Variants in EFR3B observed in about 807,000 individuals in gnomAD.
The protein encoded by EFR3B is EFR3 homolog B.
EFR3B carries 64 observed loss-of-function variants against 104.7 expected under a neutral mutation model. That is an observed-to-expected ratio of 0.61 (90% CI 0.50 to 0.75). EFR3B has a LOEUF of 0.75. EFR3B is among the 30% of genes least tolerant of loss of function. EFR3B has a pLI of 0.00. For missense variants in EFR3B, 750 were observed against 1,078.5 expected, an observed-to-expected ratio of 0.70 and a Z score of 4.27; for synonymous variants, 385 against 417.9, an observed-to-expected ratio of 0.92 and a Z score of 0.96.
At chr2:25,090,482 G>A (rs946762858) in intron 1 of EFR3B, among the ~76,000 whole-genome samples, 5 of 152,222 alleles carry the variant, frequency 3.3e-5, no homozygotes, top group Admixed American at 6.5e-5. Context: ...GAAGGAGGAG[G>A]TCACTTCAGT....
chr2:25,051,067 A>G (rs1416564237), intron 1 of EFR3B, among the ~76,000 whole-genome samples: 1 of 152,104 alleles, frequency 6.6e-6, no homozygotes, highest in Non-Finnish European at 1.5e-5. Flanking sequence ...TGGTTTGCTC[A>G]TGGAGGCTCC....
At chr2:25,072,133 G>A (rs944300725) in intron 1 of EFR3B, among the ~76,000 whole-genome samples, 11 of 152,194 alleles carry the variant, frequency 7.2e-5, no homozygotes, top group Non-Finnish European at 1.2e-4. Context: ...TGGGGTCCCC[G>A]CTTTCGTCAC....
intron 1 of EFR3B, among the ~76,000 whole-genome samples, chr2:25,074,687 G>A (rs953752438): frequency 2.7e-5 from 4 of 149,276 alleles, no homozygotes; most frequent in African/African-American, 4.9e-5. Context: ...GCGTGATCTC[G>A]GCTCACTGCA....
chr2:25,068,616 A>C (rs1573177593), intron 1 of EFR3B, among the ~76,000 whole-genome samples: 1 of 148,622 alleles, frequency 6.7e-6, no homozygotes. Context: ...TGCTGGAGTC[A>C]CTTTTGTTTT....
intron 13 of EFR3B, 113 bp downstream of exon 13, chr2:25,135,752 T>G: frequency 8.1e-7 from 1 of 1,238,098 alleles, no homozygotes; most frequent in Non-Finnish European, 1.1e-6. Context: ...TATCTGAGTA[T>G]TGTGGGATCT....
At chr2:25,081,080 C>A (rs1668789793) in intron 1 of EFR3B, 3 of 707,958 alleles carry the variant, frequency 4.2e-6, no homozygotes, top group Non-Finnish European at 2.6e-6. Context: ...CTTGAAATGA[C>A]CTCTCCATCC....
chr2:25,098,774 A>T (rs1669350668), intron 3 of EFR3B, among the ~76,000 whole-genome samples: 1 of 147,080 alleles, frequency 6.8e-6, no homozygotes, highest in Non-Finnish European at 1.5e-5. Flanking sequence ...TTCTACCATA[A>T]TTTTCACCTT....
chr2:25,141,547 A>G (rs1229520049), intron 17 of EFR3B, 114 bp downstream of exon 17: 1 of 1,098,994 alleles, frequency 9.1e-7, no homozygotes, highest in Non-Finnish European at 1.3e-6. Flanking sequence ...CTGTGGACTC[A>G]AGGGCAGAAG....
chr2:25,127,148 C>T (rs13036110), intron 5 of EFR3B, among the ~76,000 whole-genome samples: 27,575 of 141,462 alleles, frequency 0.19, 3,454 homozygotes, highest in Admixed American at 0.38. Context: ...GCCAAGATCG[C>T]ACCATTGCAC....
At chr2:25,085,073 T>C (rs565472295) in intron 1 of EFR3B, among the ~76,000 whole-genome samples, 1 of 152,362 alleles carries the variant, frequency 6.6e-6, no homozygotes, top group African/African-American at 2.4e-5. Context: ...ACTGTCTTTT[T>C]CACTGCTATG....
At chr2:25,092,443 C>CACACACAT (rs201381425) in intron 2 of EFR3B, among the ~76,000 whole-genome samples, 7 of 150,810 alleles carry the variant, frequency 4.6e-5, no homozygotes, top group Admixed American at 2.6e-4. Flanking sequence ...CACACACACA[C>CACACACAT]GGTATATATA....
At chr2:25,048,200 G>T (rs188434354) in intron 1 of EFR3B, among the ~76,000 whole-genome samples, 3 of 151,958 alleles carry the variant, frequency 2.0e-5, no homozygotes, top group Non-Finnish European at 4.4e-5. Flanking sequence ...TGTTTTGTAG[G>T]ATGGGGTCCC....
intron 3 of EFR3B, among the ~76,000 whole-genome samples, chr2:25,094,001 C>T (rs1410305842): frequency 6.6e-6 from 1 of 152,070 alleles, no homozygotes; most frequent in Non-Finnish European, 1.5e-5. Flanking sequence ...TATAGAAACA[C>T]TGAGACCAGG....
At position 25,092,996 on chromosome 2, in the gene EFR3B, C is replaced by T. The variant is rs1297162184; in HGVS notation, c.85-7C>T. ...CCATAGTGAGCACAAGCTGTTTTCT[C>T]CTACAGGATGGTCTGGTGAAGACCA... On this transcript the variant is annotated splice_region_variant and splice_polypyrimidine_tract_variant and intron_variant, in intron 2 of 22. Transcript: ENST00000403714. 1 of 1,543,584 alleles carries T rather than the reference C, an allele frequency of 6.5e-7. No homozygotes were observed. The highest frequency in any genetic ancestry group is 1.4e-5 in the African/African-American group (1 of 73,082).
intron 20 of EFR3B, among the ~76,000 whole-genome samples, chr2:25,150,493 G>A (rs547327623): frequency 5.0e-4 from 76 of 152,090 alleles, no homozygotes; most frequent in African/African-American, 1.7e-3. Flanking sequence ...CTCTCTATCT[G>A]GATCATTGGA....
chr2:25,126,719 C>G (rs1670178530), intron 5 of EFR3B, among the ~76,000 whole-genome samples: 1 of 151,790 alleles, frequency 6.6e-6, no homozygotes, highest in Non-Finnish European at 1.5e-5. Context: ...TGGTCTCGAA[C>G]TCCTGAGCTC....
intron 1 of EFR3B, among the ~76,000 whole-genome samples, chr2:25,087,408 G>A (rs1471966613): frequency 2.0e-5 from 3 of 149,888 alleles, no homozygotes; most frequent in Non-Finnish European, 4.4e-5. Context: ...TTCTTTATTA[G>A]CTATGTCTTC....
chr2:25,088,234 G>A (rs1162186784), intron 1 of EFR3B, among the ~76,000 whole-genome samples: 2 of 152,110 alleles, frequency 1.3e-5, no homozygotes, highest in Non-Finnish European at 2.9e-5. Context: ...CTCATGTTGT[G>A]TCACCTTTGC....
At chr2:25,143,889 G>T in intron 18 of EFR3B, 27 bp downstream of exon 18, 1 of 1,547,398 alleles carries the variant, frequency 6.5e-7, no homozygotes. Flanking sequence ...GGGATGCCCG[G>T]GCCTGCCTCT....
Sources: gnomAD v4.1 joint callset for allele counts (sites outside exome capture counted in the v4.1 genomes callset) on GRCh38, gnomAD v4.1.1 for gene constraint, MANE v1.5 for transcripts, NCBI Gene and HGNC (gene_info 2026-07-23, HGNC 2026-07-21) for gene names.